Variants in RIMS1 observed in about 807,000 individuals in gnomAD.
The protein encoded by RIMS1 is regulating synaptic membrane exocytosis protein 1.
Under a neutral mutation model 214.1 loss-of-function variants are expected in RIMS1, and 83 were observed. That is an observed-to-expected ratio of 0.39 (90% CI 0.32 to 0.47). RIMS1 has a LOEUF of 0.47. RIMS1 is among the 20% of genes least tolerant of loss of function. The pLI, the probability that RIMS1 is intolerant of heterozygous loss-of-function variation, is 0.99. For synonymous variants in RIMS1, 793 were observed against 786.8 expected, an observed-to-expected ratio of 1.01 and a Z score of -0.13; for missense variants, 2,050 against 2,161.8, an observed-to-expected ratio of 0.95 and a Z score of 1.03.
chr6:71,998,532 C>A (rs1207817779), intron 2 of RIMS1, among the ~76,000 whole-genome samples: 2 of 152,166 alleles, frequency 1.3e-5, no homozygotes, highest in African/African-American at 2.4e-5. Context: ...CTTTCCCACT[C>A]CCTGTTCAAT....
chr6:72,172,302 CTATA>C (rs1165403297), intron 4 of RIMS1, among the ~76,000 whole-genome samples: 138 of 152,080 alleles, frequency 9.1e-4, no homozygotes, highest in African/African-American at 2.9e-3. Context: ...AAATGTATAG[CTATA>C]TGTAATACCA....
At chr6:71,962,039 TAAA>T (rs1793100985) in intron 1 of RIMS1, among the ~76,000 whole-genome samples, 1 of 152,074 alleles carries the variant, frequency 6.6e-6, no homozygotes, top group Non-Finnish European at 1.5e-5. Context: ...ATAGCTTGAG[TAAA>T]AAGAGGTTAA....
intron 10 of RIMS1, among the ~76,000 whole-genome samples, chr6:72,243,343 A>G (rs968890183): frequency 1.3e-5 from 2 of 151,768 alleles, no homozygotes; most frequent in Non-Finnish European, 3.0e-5. Context: ...ATGAAAATGT[A>G]TGATCATATA....
At chr6:72,181,826 G>C (rs1271430701) in intron 5 of RIMS1, among the ~76,000 whole-genome samples, 1 of 152,164 alleles carries the variant, frequency 6.6e-6, no homozygotes, top group Non-Finnish European at 1.5e-5. Flanking sequence ...ATTAAAGGTA[G>C]AGATGAGAAA....
intron 4 of RIMS1, among the ~76,000 whole-genome samples, chr6:72,172,640 T>C (rs1040293756): frequency 4.6e-5 from 7 of 152,196 alleles, no homozygotes; most frequent in Non-Finnish European, 2.9e-5. Flanking sequence ...ATTTAGATTA[T>C]GCTTCATATT....
intron 1 of RIMS1, among the ~76,000 whole-genome samples, chr6:71,915,224 T>C (rs1419796740): frequency 6.6e-6 from 1 of 152,156 alleles, no homozygotes; most frequent in Non-Finnish European, 1.5e-5. Flanking sequence ...ATGATATGTA[T>C]GTATATGTTT....
At chr6:72,335,227 C>T (rs1463996972) in intron 29 of RIMS1, among the ~76,000 whole-genome samples, 1 of 151,954 alleles carries the variant, frequency 6.6e-6, no homozygotes, top group Admixed American at 6.6e-5. Context: ...TATCCCTCCC[C>T]TAGGCCCCCA....
At chr6:71,914,659 T>C (rs1777820984) in intron 1 of RIMS1, among the ~76,000 whole-genome samples, 1 of 152,154 alleles carries the variant, frequency 6.6e-6, no homozygotes, top group African/African-American at 2.4e-5. Flanking sequence ...AGACTTCTTA[T>C]TCTATAAAAC....
At chr6:71,949,372 GAGAACAACTGCTCTATTCGCCATGCATC>G (rs2151106146) in intron 1 of RIMS1, among the ~76,000 whole-genome samples, 1 of 152,154 alleles carries the variant, frequency 6.6e-6, no homozygotes, top group East Asian at 1.9e-4. Context: ...AAGAGTGAGA[GAGAACAACTGCTCTATTCGCCATGCATC>G]ATTAAATACA....
In RIMS1 at chr6:72,160,983, G is replaced by A. The variant is rs1368917103; in HGVS notation, c.472-18592G>A. On this transcript the variant is annotated intron_variant, in intron 4 of 33. Coordinates refer to ENST00000521978, the MANE Select transcript of RIMS1 (RefSeq NM_014989.7). ...GTACCAGCTCATTCTTGTATCTTTGGTAGAATTTGGCTGTGAATCCATCTG... is the reference window on the plus strand; with the variant it reads ...GTACCAGCTCATTCTTGTATCTTTGATAGAATTTGGCTGTGAATCCATCTG... 2.2e-5 allele frequency among the ~76,000 whole-genome samples: 3 copies of A among 138,964 alleles called. 1 individual carries two copies. The highest frequency in any genetic ancestry group is 4.9e-5 in the Non-Finnish European group (3 of 61,328). The allele number at this position is 138,964 out of a possible 152,430, so 91.2% of individuals were successfully genotyped here. A position where few individuals can be genotyped will look rare whatever the true frequency, so the allele number is the denominator to read the frequency against.
At position 72,264,981 on chromosome 6, in the gene RIMS1, T is replaced by C; in HGVS notation, c.3123T>C (p.Leu1041=). The C allele has an allele frequency of 6.3e-7, 1 of 1,587,290 alleles. No homozygotes were observed. Among genetic ancestry groups the C allele is most frequent in the Non-Finnish European group, 8.6e-7 (1 of 1,163,866 alleles). Residue 1041 remains leucine (L), a synonymous_variant, in exon 20 of 34, where the codon CTT becomes CTC. Coordinates refer to ENST00000521978, the MANE Select transcript of RIMS1 (RefSeq NM_014989.7). The part of the protein sequence containing the change: ...SAECLHTTRH[L]VRHYKTLPPK... ...TTGTGTTGCTACGTTCCAGACATCT[T>C]GTTAGGCACTATAAAACATTACCTC...
chr6:72,008,711 T>C (rs1468883819), intron 2 of RIMS1, among the ~76,000 whole-genome samples: 2 of 151,638 alleles, frequency 1.3e-5, no homozygotes, highest in African/African-American at 4.8e-5. Context: ...CCAACAAACA[T>C]CGAAAGAGAC....
chr6:71,910,425 G>T (rs1776536401), intron 1 of RIMS1, among the ~76,000 whole-genome samples: 1 of 152,044 alleles, frequency 6.6e-6, no homozygotes, highest in South Asian at 2.1e-4. Flanking sequence ...CTGAAAAGAG[G>T]ATCTGGCCCA....
In RIMS1 at chr6:72,266,394, A is replaced by G; in HGVS notation, c.3398+345A>G. On this transcript the variant is annotated intron_variant, in intron 22 of 33. Transcript: ENST00000521978. ...CTGATAATGTTATAAGGTCCAGTGAATTATCCGAAGGGGAGGATCACTTTC... is the reference window on the plus strand; with the variant it reads ...CTGATAATGTTATAAGGTCCAGTGAGTTATCCGAAGGGGAGGATCACTTTC... The G allele has an allele frequency of 1.2e-5, 4 of 328,878 alleles. No homozygotes were observed. In the South Asian group the frequency reaches 1.2e-4, roughly 10 times the overall value. The allele number at this position is 328,878 out of a possible 1,614,324, so 20.4% of individuals were successfully genotyped here. A position where few individuals can be genotyped will look rare whatever the true frequency, so the allele number is the denominator to read the frequency against.
chr6:72,038,117 AAATAT>A (rs1562176359), intron 2 of RIMS1, among the ~76,000 whole-genome samples: 1 of 56,442 alleles, frequency 1.8e-5, no homozygotes, highest in African/African-American at 1.1e-4. Flanking sequence ...AAAAAAAAAA[AAATAT>A]ATATATATAT....
chr6:72,203,683 A>G (rs561313506), intron 6 of RIMS1, among the ~76,000 whole-genome samples: 3 of 152,304 alleles, frequency 2.0e-5, no homozygotes, highest in East Asian at 1.9e-4. Flanking sequence ...AGCACCAAAA[A>G]CTAATCTGGT....
intron 1 of RIMS1, among the ~76,000 whole-genome samples, chr6:71,902,875 G>T (rs1057435213): frequency 1.3e-5 from 2 of 152,208 alleles, no homozygotes; most frequent in South Asian, 4.1e-4. Flanking sequence ...TTTTATGACT[G>T]CATAGTATTC....
At chr6:72,282,925 T>C (rs1000042566) in intron 23 of RIMS1, among the ~76,000 whole-genome samples, 11 of 151,886 alleles carry the variant, frequency 7.2e-5, no homozygotes, top group East Asian at 1.9e-4. Flanking sequence ...GGCAAGAGAG[T>C]GTGAACACAA....
Position 72,248,066 on chromosome 6 carries a change from T to C in RIMS1, c.2180T>C (p.Ile727Thr), listed in dbSNP as rs769248627. 2 of 1,613,466 alleles carry C rather than the reference T, an allele frequency of 1.2e-6. No homozygotes were observed. The highest frequency in any genetic ancestry group is 1.1e-5 in the South Asian group (1 of 91,030). The change falls in exon 12 of 34, where the codon ATT (isoleucine) becomes ACT (threonine). Residue 727 changes from isoleucine (I) to threonine (T), a missense_variant. Transcript: ENST00000521978. The part of the protein sequence containing the change: ...QKMERPSISV[I>T]SPTSPGALKD... ...ATGGAAAGGCCTTCCATTTCTGTTA[T>C]TTCTCCAACAAGTCCTGGAGCTCTA...
Sources: allele counts gnomAD v4.1 joint callset (sites outside exome capture counted in the v4.1 genomes callset), GRCh38; gene constraint gnomAD v4.1.1; transcripts MANE v1.5; gene names NCBI Gene and HGNC (gene_info 2026-07-23, HGNC 2026-07-21).